KIF18B: variants seen among roughly 807,000 people sequenced by gnomAD.
KIF18B encodes the protein kinesin family member 18B, also known as kinesin-like protein KIF18B.
In KIF18B, 49 loss-of-function variants were observed where a neutral mutation model predicts 80.9. The ratio of observed to expected loss-of-function variants is 0.61; its 90% CI spans 0.48 to 0.77. The LOEUF (loss-of-function observed/expected upper bound fraction) is 0.77. Among genes scored for constraint, KIF18B ranks in the 30% least tolerant of loss-of-function variants. KIF18B has a pLI of 0.00. For missense variants in KIF18B, 994 were observed against 1,127.7 expected (o/e 0.88, Z 1.70); for synonymous variants, 439 against 463.9 (o/e 0.95, Z 0.69).
In KIF18B at chr17:44,925,501, C is replaced by G. The variant is rs1215908810; in HGVS notation, c.*579G>C. 6.5e-6 allele frequency: 1 copy of G among 154,678 alleles called. No homozygotes were observed. The highest frequency in any genetic ancestry group is 2.5e-5 in the African/African-American group (1 of 40,604). The allele number at this position is 154,678 out of a possible 1,614,324, so 9.6% of individuals were successfully genotyped here. A position where few individuals can be genotyped will look rare whatever the true frequency, so the allele number is the denominator to read the frequency against. ...AGCACCTTTAAAACAGCAACACGGG[C>G]CAGGCGTGGTAGCTCATGCCTGTAA... On this transcript the variant is annotated 3_prime_UTR_variant, in exon 16 of 16. Coordinates refer to ENST00000593135, the MANE Select transcript of KIF18B (RefSeq NM_001265577.2).
At chr17:44,929,125 G>C in intron 11 of KIF18B, 101 bp from the exon 12 acceptor site, 1 of 1,059,686 alleles carries the variant, frequency 9.4e-7, no homozygotes, top group Non-Finnish European at 1.4e-6. Flanking sequence ...TGTGGTTGAG[G>C]AGTCTGAACT....
In KIF18B at chr17:44,933,583, C is replaced by T. The variant is rs578182010; in HGVS notation, c.1062+340G>A. On this transcript the variant is annotated intron_variant, in intron 7 of 15. Transcript: ENST00000593135. ...TCTCAGCTCACTGCAACCTTCATCT[C>T]CTGGGTTCAAGCGATTCTTCTGCCT... 1.4e-3 allele frequency among the ~76,000 whole-genome samples: 207 copies of T among 151,954 alleles called. 2 individuals are homozygous for T. The highest frequency in any genetic ancestry group is 3.4e-3 in the Middle Eastern group (1 of 294).
chr17:44,945,906 G>GAAAAAAAAAAAAAAA (rs749503310), intron 1 of KIF18B, among the ~76,000 whole-genome samples: 1 of 92,056 alleles, frequency 1.1e-5, no homozygotes, highest in Non-Finnish European at 2.1e-5. Context: ...TTCTGTCTCA[G>GAAAAAAAAAAAAAAA]AAAAAAAAAA....
In KIF18B at chr17:44,932,181, C is replaced by T; in HGVS notation, c.1264G>A (p.Ala422Thr). The T allele has an allele frequency of 6.2e-7, 1 of 1,611,904 alleles. No individual in the cohort carries two copies. The highest frequency in any genetic ancestry group is 8.5e-7 in the Non-Finnish European group (1 of 1,178,794). Residue 422 changes from alanine to threonine, a missense_variant, in exon 10 of 16, where the codon GCA becomes ACA. Transcript: ENST00000593135. Reference sequence around the variant, plus strand: ...TCCTCTTGAAGGGCTCTAGGCCCTGCAGGGAGCTCTGGGGTGCAGGGCTGG... The same window carrying T: ...TCCTCTTGAAGGGCTCTAGGCCCTGTAGGGAGCTCTGGGGTGCAGGGCTGG... ...EHQPCTPELP[A>T]GPRALQEESL...
intron 1 of KIF18B, among the ~76,000 whole-genome samples, chr17:44,942,875 A>T (rs1203964294): frequency 6.6e-6 from 1 of 152,228 alleles, no homozygotes; most frequent in Non-Finnish European, 1.5e-5. Context: ...CTACTGTACA[A>T]AAGGAACAGG....
At chr17:44,945,231 T>A (rs749533593) in intron 1 of KIF18B, among the ~76,000 whole-genome samples, 31 of 152,174 alleles carry the variant, frequency 2.0e-4, no homozygotes, top group Non-Finnish European at 3.5e-4. Flanking sequence ...CCCCCAATTT[T>A]AAATTTTTTT....
chr17:44,940,834 C>T (rs1567799290), intron 1 of KIF18B, among the ~76,000 whole-genome samples: 1 of 152,342 alleles, frequency 6.6e-6, no homozygotes, highest in East Asian at 1.9e-4. Context: ...TTTGAAACTC[C>T]TGTCCCCTCA....
In KIF18B at chr17:44,928,568, C is replaced by A. The variant is rs1016181612; in HGVS notation, c.1734G>T (p.Pro578=). Residue 578 remains proline (P), a synonymous_variant, in exon 13 of 16, where the codon CCG becomes CCT. Coordinates refer to ENST00000593135, the MANE Select transcript of KIF18B (RefSeq NM_001265577.2). ...CTGGAGGCTCTGGGCAGAGAGGAGA[C>A]GGCACAGGGACTGCACAGAAGGAAG... ...QELCSESIPV[P]SPLCPEPPGY... is the part of the protein sequence containing the mutation. 3 of 1,450,878 alleles carry A rather than the reference C, an allele frequency of 2.1e-6. No homozygotes were observed. The highest frequency in any genetic ancestry group is 1.5e-5 in the South Asian group (1 of 68,700). The allele number at this position is 1,450,878 out of a possible 1,614,324, so 89.9% of individuals were successfully genotyped here.
Position 44,925,826 on chromosome 17 carries a change from A to G in KIF18B, c.*254T>C. 1.9e-6 allele frequency: 1 copy of G among 534,278 alleles called. No individual in the cohort carries two copies. 33.1% of individuals were successfully genotyped at this position (534,278 alleles called of 1,614,324 possible). On this transcript the variant is annotated 3_prime_UTR_variant, in exon 16 of 16. Transcript: ENST00000593135. ...CAAAAACCACCAAAAAACAAAAAAC[A>G]GCAGCACATTAACACTCACAAATGA... is the stretch of plus-strand genomic sequence containing the variant.
rs766773099 is a variant in KIF18B at position 44,936,219 on chromosome 17, A to G, written c.126T>C (p.Pro42=). 1 of 1,610,608 alleles carries G rather than the reference A, an allele frequency of 6.2e-7. No homozygotes were observed. The highest frequency in any genetic ancestry group is 8.5e-7 in the Non-Finnish European group (1 of 1,178,792). ...CAGGGAACCCTCCATCGGGCTCCTC[A>G]GGGTTAAACACCAGCACCCGCTCGT... ...VVDERVLVFN[P]EEPDGGFPGL... The change falls in exon 2 of 16, where the codon CCT becomes CCC. Residue 42 remains proline, a synonymous_variant. Coordinates refer to ENST00000593135, the MANE Select transcript of KIF18B (RefSeq NM_001265577.2).
Position 44,932,659 on chromosome 17 carries a change from G to A in KIF18B, c.1238+14C>T. ...AGCTGCAGGGTGGGGGCGGGAATGG[G>A]CAGTGGAACTCACTGTTCTGGTGGT... is the stretch of plus-strand genomic sequence containing the variant. On this transcript the variant is annotated intron_variant, in intron 9 of 15. Transcript: ENST00000593135. 1 of 1,513,752 alleles carries A rather than the reference G, an allele frequency of 6.6e-7. No individual in the cohort carries two copies. Among genetic ancestry groups the A allele is most frequent in the Non-Finnish European group, 9.2e-7 (1 of 1,091,154 alleles). The allele number at this position is 1,513,752 out of a possible 1,614,324, so 93.8% of individuals were successfully genotyped here. A position where few individuals can be genotyped will look rare whatever the true frequency, so the allele number is the denominator to read the frequency against.
In KIF18B at chr17:44,932,181, C is replaced by A; in HGVS notation, c.1264G>T (p.Ala422Ser). ...EHQPCTPELP[A>S]GPRALQEESL... is the part of the protein sequence containing the mutation. ...TCCTCTTGAAGGGCTCTAGGCCCTGCAGGGAGCTCTGGGGTGCAGGGCTGG... is the reference window on the plus strand; with the variant it reads ...TCCTCTTGAAGGGCTCTAGGCCCTGAAGGGAGCTCTGGGGTGCAGGGCTGG... Residue 422 changes from alanine (A) to serine (S), a missense_variant, in exon 10 of 16, where the codon GCA becomes TCA. By Grantham distance (99) the Ala-to-Ser change is moderately conservative. Transcript: ENST00000593135. 6.2e-7 allele frequency: 1 copy of A among 1,611,904 alleles called. No individual in the cohort carries two copies. The highest frequency in any genetic ancestry group is 8.5e-7 in the Non-Finnish European group (1 of 1,178,794).
At chr17:44,946,056 C>A (rs576974318) in intron 1 of KIF18B, among the ~76,000 whole-genome samples, 2 of 134,386 alleles carry the variant, frequency 1.5e-5, no homozygotes, top group African/African-American at 6.8e-5. Context: ...CTTGTCTCTA[C>A]TTCCAAAAAA....
At chr17:44,935,477 C>G in intron 2 of KIF18B, 61 bp from the exon 3 acceptor site, 1 of 1,497,570 alleles carries the variant, frequency 6.7e-7, no homozygotes, top group Non-Finnish European at 9.0e-7. Context: ...CAGCCCTTCC[C>G]TCCTCCCTCA....
In KIF18B at chr17:44,926,967, G is replaced by A. The variant is rs141576156; in HGVS notation, c.2366+22C>T. The A allele has an allele frequency of 4.1e-4, 644 of 1,588,986 alleles. 4 individuals are homozygous for A. The African/African-American group carries it at 7.9e-3, about 20-fold the overall frequency. On this transcript the variant is annotated intron_variant, in intron 14 of 15. Transcript: ENST00000593135. Reference sequence around the variant, plus strand: ...GAGAGCGAGCTCCTTCTCCCAGACAGCTGACACCTCCCAAACCTCACCTCG... The same window carrying A: ...GAGAGCGAGCTCCTTCTCCCAGACAACTGACACCTCCCAAACCTCACCTCG...
Position 44,936,358 on chromosome 17 carries a change from C to T in KIF18B, c.-14G>A, listed in dbSNP as rs768562372. ...CTCCACTGCCATCACTGTGGTGACA[C>T]CTGGGTGAGACATGGTGGAGCTGAG... On this transcript the variant is annotated splice_region_variant and 5_prime_UTR_variant, in exon 2 of 16. In the 5' UTR this introduces an upstream ATG that the reference lacks. Coordinates refer to ENST00000593135, the MANE Select transcript of KIF18B (RefSeq NM_001265577.2). 2.5e-6 allele frequency: 4 copies of T among 1,592,410 alleles called. No homozygotes were observed. The highest frequency in any genetic ancestry group is 3.4e-6 in the Non-Finnish European group (4 of 1,171,196).
rs762224763 is a variant in KIF18B, at chr17:44,927,888, C to T, written c.2276+138G>A. The stretch of plus-strand genomic sequence containing the variant: ...CAGCTGTTGGGCCTGGGGAGCAAAG[C>T]GGATCACAACCAAAGTGGAACAGAT... On this transcript the variant is annotated intron_variant, in intron 13 of 15. Transcript: ENST00000593135. The surrounding 1 kb of genome is among the most constrained non-coding windows in gnomAD (Gnocchi z 4.1). 1.3e-4 allele frequency: 100 copies of T among 766,462 alleles called. No homozygotes were observed. The highest frequency in any genetic ancestry group is 1.9e-4 in the Non-Finnish European group (98 of 527,314). The allele number at this position is 766,462 out of a possible 1,614,324, so 47.5% of individuals were successfully genotyped here.
Position 44,926,904 on chromosome 17 carries a change from G to A in KIF18B, c.2366+85C>T, listed in dbSNP as rs2145665375. The A allele has an allele frequency of 2.6e-6, 3 of 1,161,670 alleles. No homozygotes were observed. In the South Asian group the frequency reaches 4.0e-5, roughly 15 times the overall value. The allele number at this position is 1,161,670 out of a possible 1,614,324, so 72.0% of individuals were successfully genotyped here. A position where few individuals can be genotyped will look rare whatever the true frequency, so the allele number is the denominator to read the frequency against. On this transcript the variant is annotated intron_variant, in intron 14 of 15. Transcript: ENST00000593135. The stretch of plus-strand genomic sequence containing the variant: ...CCGGGGGTGTAGAGACAGAGACACT[G>A]GGGGCCCAGAGTCGGCCCAGGTGTC...
intron 7 of KIF18B, 100 bp from the exon 8 acceptor site, chr17:44,933,086 C>T (rs1597881989): frequency 2.9e-6 from 3 of 1,051,874 alleles, no homozygotes; most frequent in Admixed American, 4.5e-5. Context: ...CTCCCACGTC[C>T]CCATGACCCA....
Sources: gnomAD v4.1 joint callset for allele counts (sites outside exome capture counted in the v4.1 genomes callset) on GRCh38, gnomAD v4.1.1 for gene constraint, Gnocchi (gnomAD v3.1) non-coding constraint, MANE v1.5 for transcripts, NCBI Gene and HGNC (gene_info 2026-07-23, HGNC 2026-07-21) for gene names.